SLC7A2: variants seen among roughly 807,000 people sequenced by gnomAD.
The protein encoded by SLC7A2 is solute carrier family 7 member 2.
SLC7A2 carries 48 observed loss-of-function variants against 58.9 expected under a neutral mutation model. The observed-to-expected ratio is 0.82, with a 90% CI of 0.65 to 1.04. SLC7A2 has a LOEUF of 1.04. SLC7A2 is among the 50% of genes least tolerant of loss of function. SLC7A2 has a pLI of 0.00. For missense variants in SLC7A2, 1,029 were observed against 818.8 expected (o/e 1.26, Z -3.13); for synonymous variants, 363 against 314.5 (o/e 1.15, Z -1.63).
intron 2 of SLC7A2, among the ~76,000 whole-genome samples, chr8:17,531,876 T>A (rs1801463936): frequency 6.6e-6 from 1 of 152,074 alleles, no homozygotes; most frequent in South Asian, 2.1e-4. Flanking sequence ...AGTGACTGAT[T>A]AAATAAATTG....
At chr8:17,557,357 T>A (rs1445406758) in intron 8 of SLC7A2, among the ~76,000 whole-genome samples, 2 of 152,180 alleles carry the variant, frequency 1.3e-5, no homozygotes, top group Non-Finnish European at 2.9e-5. Flanking sequence ...ATTTAACTGT[T>A]TAAAGTATGT....
upstream of SLC7A2, among the ~76,000 whole-genome samples, chr8:17,495,897 A>G (rs141516801): frequency 3.1e-3 from 470 of 152,296 alleles, 6 homozygotes; most frequent in Non-Finnish European, 1.4e-3. Flanking sequence ...CCTGAGATAC[A>G]TTGAGATTTT....
chr8:17,502,116 C>T (rs1360777777), intron 1 of SLC7A2, 141 bp from the exon 2 acceptor site: 2 of 150,180 alleles, frequency 1.3e-5, no homozygotes, highest in Non-Finnish European at 3.0e-5. Flanking sequence ...TATATATATA[C>T]GTATATATAT....
upstream of SLC7A2, among the ~76,000 whole-genome samples, chr8:17,496,204 G>C (rs62497980): frequency 0.54 from 82,149 of 151,928 alleles, 22,462 homozygotes; most frequent in East Asian, 0.77. Flanking sequence ...GCCTGTAGTT[G>C]TCAGCACTTT....
intron 1 of SLC7A2, among the ~76,000 whole-genome samples, 156 bp from the exon 2 acceptor site, chr8:17,502,101 A>G (rs1205684595): frequency 6.6e-6 from 1 of 151,576 alleles, no homozygotes; most frequent in Non-Finnish European, 1.5e-5. Context: ...ATATGTATAT[A>G]TAATTATATA....
chr8:17,543,635 C>T lies in SLC7A2; in HGVS notation c.296C>T (p.Ala99Val). Residue 99 changes from alanine (A) to valine (V), a missense_variant, in exon 3 of 13, where the codon GCA (alanine) becomes GTA (valine). Transcript: ENST00000494857. Reference protein sequence around the residue: ...FGARVPKTGSAYLYTYVTVGE... With the variant: ...FGARVPKTGSVYLYTYVTVGE... ...GCCCGTGTTCCCAAGACGGGGTCTG[C>T]ATATTTGTACACCTACGTGACTGTC... 6.3e-7 allele frequency: 1 copy of T among 1,578,548 alleles called. No homozygotes were observed. Among genetic ancestry groups the T allele is most frequent in the Non-Finnish European group, 8.6e-7 (1 of 1,163,814 alleles).
In SLC7A2 at chr8:17,566,870, G is replaced by A. The variant is rs1803289948; in HGVS notation, c.*1724G>A. 1.3e-5 allele frequency: 2 copies of A among 152,178 alleles called. No homozygotes were observed. The highest frequency in any genetic ancestry group is 2.9e-5 in the Non-Finnish European group (2 of 68,026). The allele number at this position is 152,178 out of a possible 1,614,324, so 9.4% of individuals were successfully genotyped here. ...TTACCAGGCATGCTAGCTGGCCCGT[G>A]TAATCCCAAGACAAGGAAAACATTC... On this transcript the variant is annotated 3_prime_UTR_variant, in exon 13 of 13. Transcript: ENST00000494857.
At chr8:17,556,464 C>T (rs1229896095) in intron 8 of SLC7A2, among the ~76,000 whole-genome samples, 1 of 151,946 alleles carries the variant, frequency 6.6e-6, no homozygotes, top group African/African-American at 2.4e-5. Context: ...ATTTTGTACT[C>T]CCATACCTTA....
At chr8:17,513,164 C>A (rs1262095626) in intron 2 of SLC7A2, among the ~76,000 whole-genome samples, 1 of 152,092 alleles carries the variant, frequency 6.6e-6, no homozygotes, top group East Asian at 1.9e-4. Context: ...TTTTTTTGGT[C>A]ATATAACCAG....
intron 2 of SLC7A2, among the ~76,000 whole-genome samples, chr8:17,512,520 C>G (rs1363319864): frequency 1.3e-5 from 2 of 152,144 alleles, no homozygotes; most frequent in Non-Finnish European, 2.9e-5. Context: ...GCGCTCCAGC[C>G]TAGGTGACAG....
Position 17,550,302 on chromosome 8 carries a change from G to GAGCC in SLC7A2, c.702_705dup (p.Pro236AlafsTer4). The GAGCC allele has an allele frequency of 6.2e-7, 1 of 1,613,562 alleles. No individual in the cohort carries two copies. Among genetic ancestry groups the GAGCC allele is most frequent in the African/African-American group, 1.3e-5 (1 of 75,026 alleles). Reference sequence around the variant, plus strand: ...CAATGTGTTTGTTCTCTTTCTTAGAGAGCCACCTTCTGAAAACGGAACAAG... The same window carrying GAGCC: ...CAATGTGTTTGTTCTCTTTCTTAGAGAGCCAGCCACCTTCTGAAAACGGAACAAG... On this transcript the variant is annotated frameshift_variant and splice_region_variant, in exon 6 of 13. Coordinates refer to ENST00000494857, the MANE Select transcript of SLC7A2 (RefSeq NM_001370338.1). LOFTEE classifies it high-confidence loss of function.
chr8:17,565,170 A>G lies in SLC7A2; in HGVS notation c.*24A>G, dbSNP rs375940483. 4.4e-6 allele frequency: 7 copies of G among 1,576,084 alleles called. No homozygotes were observed. Among genetic ancestry groups the G allele is most frequent in the Non-Finnish European group, 6.1e-6 (7 of 1,152,282 alleles). On this transcript the variant is annotated 3_prime_UTR_variant, in exon 13 of 13. Coordinates refer to ENST00000494857, the MANE Select transcript of SLC7A2 (RefSeq NM_001370338.1). ...AACACTTGCAGGAGCAGAGCTGGTC[A>G]TCGTCTTAGCATACATATCCTACAC... is the stretch of plus-strand genomic sequence containing the variant.
intron 4 of SLC7A2, among the ~76,000 whole-genome samples, chr8:17,546,343 A>G (rs1453987693): frequency 1.3e-5 from 2 of 152,206 alleles, no homozygotes; most frequent in African/African-American, 4.8e-5. Context: ...CTTATGTTTT[A>G]ACTTTGTTCT....
At chr8:17,538,253 T>C (rs1385853090) in intron 2 of SLC7A2, among the ~76,000 whole-genome samples, 3 of 152,214 alleles carry the variant, frequency 2.0e-5, no homozygotes, top group African/African-American at 7.2e-5. Context: ...GCCTCAGTTG[T>C]GTTTTTTGTT....
intron 4 of SLC7A2, among the ~76,000 whole-genome samples, chr8:17,548,117 G>C (rs9644556): frequency 0.017 from 2,555 of 152,266 alleles, 52 homozygotes; most frequent in East Asian, 0.083. Flanking sequence ...GAGGCAGGCA[G>C]ATCACTTGAG....
intron 2 of SLC7A2, among the ~76,000 whole-genome samples, chr8:17,520,556 G>A (rs1212275524): frequency 7.3e-6 from 1 of 137,460 alleles, no homozygotes; most frequent in Non-Finnish European, 1.5e-5. Flanking sequence ...CACGAGAATT[G>A]CTTGAACCTG....
chr8:17,506,422 A>G (rs891828602), intron 2 of SLC7A2, among the ~76,000 whole-genome samples: 2 of 152,216 alleles, frequency 1.3e-5, no homozygotes, highest in African/African-American at 4.8e-5. Context: ...TTGGTTTTGT[A>G]TTTTAAAGCG....
At chr8:17,527,771 A>G (rs1159722702) in intron 2 of SLC7A2, among the ~76,000 whole-genome samples, 4 of 152,120 alleles carry the variant, frequency 2.6e-5, no homozygotes, top group Non-Finnish European at 5.9e-5. Context: ...TGGATTAGTG[A>G]CTTAACTTGA....
intron 8 of SLC7A2, among the ~76,000 whole-genome samples, chr8:17,556,471 C>A (rs1802708066): frequency 1.3e-5 from 2 of 151,886 alleles, no homozygotes; most frequent in Non-Finnish European, 2.9e-5. Context: ...ACTCCCATAC[C>A]TTACTTTGCT....
Sources: gnomAD v4.1 joint callset for allele counts (sites outside exome capture counted in the v4.1 genomes callset) on GRCh38, gnomAD v4.1.1 for gene constraint, MANE v1.5 for transcripts, NCBI Gene and HGNC (gene_info 2026-07-23, HGNC 2026-07-21) for gene names.